MAP3K2: variants seen among roughly 807,000 people sequenced by gnomAD.
MAP3K2 encodes MAP/ERK kinase kinase 2.
A neutral mutation model predicts 80.3 loss-of-function variants in MAP3K2; 24 were observed. That is an observed-to-expected ratio of 0.30 (90% CI 0.22 to 0.42). The LOEUF (loss-of-function observed/expected upper bound fraction) is 0.42, where lower values mean the gene tolerates loss of function less well. MAP3K2 is among the 10% of genes least tolerant of loss of function. The pLI is 1.00. For missense variants in MAP3K2, 608 were observed against 750.1 expected (o/e 0.81, Z 2.21); for synonymous variants, 244 against 253.7 (o/e 0.96, Z 0.36).
intron 1 of MAP3K2, among the ~76,000 whole-genome samples, chr2:127,372,788 C>T (rs867623377): frequency 6.6e-6 from 1 of 152,184 alleles, no homozygotes; most frequent in East Asian, 1.9e-4. Flanking sequence ...ACAAACAGCC[C>T]GTGAATTAGT....
intron 2 of MAP3K2, among the ~76,000 whole-genome samples, chr2:127,342,090 G>A (rs1485835387): frequency 1.3e-5 from 2 of 152,002 alleles, no homozygotes; most frequent in African/African-American, 2.4e-5. Context: ...TATTATTTGA[G>A]GCTGACAAAA....
At chr2:127,385,014 T>TA (rs1677416782) in intron 1 of MAP3K2, among the ~76,000 whole-genome samples, 1 of 152,140 alleles carries the variant, frequency 6.6e-6, no homozygotes, top group African/African-American at 2.4e-5. Context: ...ACAAAGGACT[T>TA]AGATTACAAA....
intron 1 of MAP3K2, among the ~76,000 whole-genome samples, chr2:127,353,150 C>T (rs567840113): frequency 6.6e-6 from 1 of 152,024 alleles, no homozygotes; most frequent in Non-Finnish European, 1.5e-5. Flanking sequence ...GCGTCTCTGC[C>T]TGGCCGCCCA....
chr2:127,387,109 T>C (rs954945669), intron 1 of MAP3K2, among the ~76,000 whole-genome samples: 8 of 152,184 alleles, frequency 5.3e-5, no homozygotes, highest in African/African-American at 1.7e-4. Flanking sequence ...ACTGTGACAG[T>C]GCAAAGACAA....
chr2:127,374,887 C>T (rs186654215), intron 1 of MAP3K2, among the ~76,000 whole-genome samples: 2 of 152,070 alleles, frequency 1.3e-5, no homozygotes, highest in African/African-American at 4.8e-5. Context: ...GGCCATAGAA[C>T]GTACCCAATC....
intron 1 of MAP3K2, among the ~76,000 whole-genome samples, chr2:127,350,619 ATAAT>A (rs1235617044): frequency 2.0e-5 from 3 of 152,108 alleles, no homozygotes; most frequent in South Asian, 2.1e-4. Flanking sequence ...ATCAATAGAA[ATAAT>A]TAAGTAATAA....
At chr2:127,333,604 T>C (rs1316080313) in intron 5 of MAP3K2, among the ~76,000 whole-genome samples, 1 of 152,170 alleles carries the variant, frequency 6.6e-6, no homozygotes, top group African/African-American at 2.4e-5. Context: ...TGAAACAGGA[T>C]ACGGTTCACT....
intron 1 of MAP3K2, among the ~76,000 whole-genome samples, chr2:127,386,215 C>A (rs542062438): frequency 4.9e-4 from 74 of 152,246 alleles, no homozygotes; most frequent in African/African-American, 1.8e-3. Context: ...GGAAATGTAT[C>A]GACTTTTTTT....
intron 14 of MAP3K2, among the ~76,000 whole-genome samples, 154 bp downstream of exon 14, chr2:127,317,475 G>A (rs953899267): frequency 5.3e-5 from 8 of 152,174 alleles, no homozygotes; most frequent in Non-Finnish European, 8.8e-5. Context: ...GACAGAGGAA[G>A]AGGATAGAAA....
At chr2:127,346,101 A>G (rs1311134792) in intron 1 of MAP3K2, among the ~76,000 whole-genome samples, 1 of 151,342 alleles carries the variant, frequency 6.6e-6, no homozygotes. Flanking sequence ...AATCAAAAAA[A>G]GAAGAGGGAA....
chr2:127,312,251 G>T (rs1331712242), intron 15 of MAP3K2, among the ~76,000 whole-genome samples: 1 of 152,114 alleles, frequency 6.6e-6, no homozygotes, highest in Non-Finnish European at 1.5e-5. Flanking sequence ...CAGTGGTCTA[G>T]TTTGTAAAAC....
chr2:127,384,974 G>A lies in MAP3K2; in HGVS notation c.-66+2478C>T, dbSNP rs961290963. Reference sequence around the variant, plus strand: ...TCTTGAGATGGAATCTACTCCTAGTGAAGATGATGTGAATATTATTGAAGT... The same window carrying A: ...TCTTGAGATGGAATCTACTCCTAGTAAAGATGATGTGAATATTATTGAAGT... On this transcript the variant is annotated intron_variant, in intron 1 of 16. Coordinates refer to ENST00000682094, the MANE Select transcript of MAP3K2 (RefSeq NM_001371910.2). Among the ~76,000 whole-genome samples the A allele has an allele frequency of 4.6e-5, 7 of 152,164 alleles. No individual in the cohort carries two copies. In the East Asian group the frequency reaches 1.3e-3, roughly 29 times the overall value.
intron 16 of MAP3K2, 106 bp downstream of exon 16, chr2:127,308,478 AT>A: frequency 2.0e-6 from 2 of 1,005,528 alleles, no homozygotes; most frequent in Admixed American, 2.4e-5. Flanking sequence ...CTTACGTCCT[AT>A]TTTGGAAGTA....
rs1685549235 is a variant in MAP3K2 at position 127,299,472 on chromosome 2, TCAAAGACAACAGTAGGACAGGC to T, written c.*8085_*8106del. The T allele has an allele frequency of 3.3e-5, 5 of 152,264 alleles. No homozygotes were observed. In the South Asian group the frequency reaches 8.3e-4, roughly 25 times the overall value. 9.4% of individuals were successfully genotyped at this position (152,264 alleles called of 1,614,324 possible). A position where few individuals can be genotyped will look rare whatever the true frequency, so the allele number is the denominator to read the frequency against. The stretch of plus-strand genomic sequence containing the variant: ...TTTTGGGGTGGAATACAGGAAATAT[TCAAAGACAACAGTAGGACAGGC>T]CAATAGCAACTGGAGATAGAAAAAT... On this transcript the variant is annotated 3_prime_UTR_variant, in exon 17 of 17. Transcript: ENST00000682094.
At chr2:127,312,572 GA>G (rs1685826162) in intron 15 of MAP3K2, among the ~76,000 whole-genome samples, 1 of 152,090 alleles carries the variant, frequency 6.6e-6, no homozygotes, top group African/African-American at 2.4e-5. Flanking sequence ...GAGGTGAAAG[GA>G]CTGCTTGAGC....
In MAP3K2 at chr2:127,330,376, AT is replaced by A. The variant is rs532437896; in HGVS notation, c.378+15del. The A allele has an allele frequency of 1.6e-4, 217 of 1,339,062 alleles. 1 individual carries two copies. Among genetic ancestry groups the A allele is most frequent in the Admixed American group, 2.9e-4 (14 of 47,498 alleles). The allele number at this position is 1,339,062 out of a possible 1,614,324, so 82.9% of individuals were successfully genotyped here. On this transcript the variant is annotated intron_variant, in intron 6 of 16. Transcript: ENST00000682094. Reference sequence around the variant, plus strand: ...AGTCCTATAATTCTTACTGAAAAAAATATCCCAAATCATACCTGTGTACTTC... The same window carrying A: ...AGTCCTATAATTCTTACTGAAAAAAAATCCCAAATCATACCTGTGTACTTC...
In MAP3K2 at chr2:127,343,202, G is replaced by A; in HGVS notation, c.-65-8C>T. 1.9e-6 allele frequency: 2 copies of A among 1,069,002 alleles called. No homozygotes were observed. The highest frequency in any genetic ancestry group is 2.7e-5 in the East Asian group (1 of 37,224). The allele number at this position is 1,069,002 out of a possible 1,614,324, so 66.2% of individuals were successfully genotyped here. A position where few individuals can be genotyped will look rare whatever the true frequency, so the allele number is the denominator to read the frequency against. On this transcript the variant is annotated splice_polypyrimidine_tract_variant and splice_region_variant and intron_variant, in intron 1 of 16. Transcript: ENST00000682094. The stretch of plus-strand genomic sequence containing the variant: ...ATCAGCATTCTTTATGGCCTGAGAA[G>A]ATAAAACAGATCAGCATATTAATAA...
At chr2:127,315,669 T>G (rs1304839809) in intron 14 of MAP3K2, among the ~76,000 whole-genome samples, 1 of 152,238 alleles carries the variant, frequency 6.6e-6, no homozygotes, top group Non-Finnish European at 1.5e-5. Flanking sequence ...GCACAGTGGC[T>G]CACACCTGTA....
Position 127,384,048 on chromosome 2 carries a change from TTTTG to T in MAP3K2, c.-66+3400_-66+3403del, listed in dbSNP as rs564977918. On this transcript the variant is annotated intron_variant, in intron 1 of 16. Coordinates refer to ENST00000682094, the MANE Select transcript of MAP3K2 (RefSeq NM_001371910.2). Reference sequence around the variant, plus strand: ...GCCACCATGCCCGGCTAGTGGTTTTTTTTGTTTGTTTGTTTGTTTTGTATTTTTA... The same window carrying T: ...GCCACCATGCCCGGCTAGTGGTTTTTTTTGTTTGTTTGTTTTGTATTTTTA... Among the ~76,000 whole-genome samples, 428 of 151,774 alleles carry T rather than the reference TTTTG, an allele frequency of 2.8e-3. 1 individual carries two copies. Among genetic ancestry groups the T allele is most frequent in the African/African-American group, 8.8e-3 (365 of 41,406 alleles).
Sources: gnomAD v4.1 joint callset for allele counts (sites outside exome capture counted in the v4.1 genomes callset) on GRCh38, gnomAD v4.1.1 for gene constraint, MANE v1.5 for transcripts, NCBI Gene and HGNC (gene_info 2026-07-23, HGNC 2026-07-21) for gene names.